ASPRV1: variants seen among roughly 807,000 people sequenced by gnomAD.
ASPRV1 encodes the protein retroviral-like aspartic protease 1.
Under a neutral mutation model 11.0 loss-of-function variants are expected in ASPRV1, and 7 were observed. That is an observed-to-expected ratio of 0.64 (90% CI 0.36 to 1.20). The LOEUF (loss-of-function observed/expected upper bound fraction) is 1.20, where lower values mean the gene tolerates loss of function less well. ASPRV1 is among the 50% of genes most tolerant of loss of function. The pLI, the probability that ASPRV1 is intolerant of heterozygous loss-of-function variation, is 0.02. For synonymous variants in ASPRV1, 136 were observed against 138.4 expected (o/e 0.98, Z 0.12); for missense variants, 299 against 320.0 (o/e 0.93, Z 0.50).
chr2:70,046,148 C>T, the ASPRV1 span: 1 of 152,220 alleles, frequency 6.6e-6, no homozygotes, highest in Admixed American at 6.5e-5. Context: ...ACCCCTCCTG[C>T]TCTAGTCAGC....
the ASPRV1 span, among the ~76,000 whole-genome samples, chr2:69,967,636 C>T: frequency 6.6e-6 from 1 of 152,112 alleles, no homozygotes; most frequent in African/African-American, 2.4e-5. Flanking sequence ...AAGAAAGACA[C>T]CAAAACAATG....
At chr2:70,078,419 G>GA in the ASPRV1 span, among the ~76,000 whole-genome samples, 15 of 152,284 alleles carry the variant, frequency 9.9e-5, no homozygotes, top group Non-Finnish European at 8.8e-5. Flanking sequence ...GTGCTATGCA[G>GA]AAAAAACAGG....
chr2:69,938,682 A>T, the ASPRV1 span: 1 of 157,416 alleles, frequency 6.4e-6, no homozygotes, highest in East Asian at 1.9e-4. Context: ...TCTTGTACTT[A>T]GGAAACTGAA....
chr2:70,077,808 C>T, the ASPRV1 span, among the ~76,000 whole-genome samples: 2 of 151,152 alleles, frequency 1.3e-5, no homozygotes, highest in Admixed American at 6.6e-5. Flanking sequence ...TGAGCTGAGA[C>T]GACGCCATTG....
At chr2:69,959,738 C>A (rs530367276), downstream of ASPRV1, among the ~76,000 whole-genome samples, 5 of 152,334 alleles carry the variant, frequency 3.3e-5, no homozygotes, top group South Asian at 1.0e-3. Flanking sequence ...ATTTGCCCAG[C>A]AGACACTTTC....
At chr2:70,076,593 T>C in the ASPRV1 span, among the ~76,000 whole-genome samples, 1 of 152,214 alleles carries the variant, frequency 6.6e-6, no homozygotes, top group African/African-American at 2.4e-5. Flanking sequence ...ACATCTCGAA[T>C]ACCGTAAGTC....
chr2:70,075,534 G>A, the ASPRV1 span, among the ~76,000 whole-genome samples: 1,944 of 152,202 alleles, frequency 0.013, 47 homozygotes, highest in African/African-American at 0.045. Context: ...TCCATGTAGA[G>A]TACATAGCAT....
chr2:69,956,022 C>A (rs1187305462), downstream of ASPRV1, among the ~76,000 whole-genome samples: 1 of 152,050 alleles, frequency 6.6e-6, no homozygotes, highest in Non-Finnish European at 1.5e-5. Flanking sequence ...TGGCTGATCC[C>A]AGGGCTGGTA....
the ASPRV1 span, among the ~76,000 whole-genome samples, chr2:69,967,486 C>G: frequency 6.6e-6 from 1 of 152,168 alleles, no homozygotes; most frequent in East Asian, 1.9e-4. Context: ...GGCAAACCAT[C>G]TGAGCGGGGG....
the ASPRV1 span, chr2:70,086,225 A>C: frequency 6.6e-6 from 1 of 151,706 alleles, no homozygotes; most frequent in Admixed American, 6.6e-5. Flanking sequence ...GGCCGACCCC[A>C]ATTTCTCGTT....
the ASPRV1 span, among the ~76,000 whole-genome samples, chr2:70,018,743 G>A: frequency 6.6e-6 from 1 of 152,136 alleles, no homozygotes; most frequent in Non-Finnish European, 1.5e-5. Context: ...GAAATTAGAT[G>A]TTCATTTCAC....
the ASPRV1 span, among the ~76,000 whole-genome samples, chr2:70,043,858 G>C: frequency 6.6e-6 from 1 of 152,166 alleles, no homozygotes; most frequent in Admixed American, 6.5e-5. Context: ...GCCTCCATCC[G>C]AACATGCTGG....
At chr2:70,084,775 G>C in the ASPRV1 span, among the ~76,000 whole-genome samples, 1 of 152,106 alleles carries the variant, frequency 6.6e-6, no homozygotes, top group Non-Finnish European at 1.5e-5. Context: ...TTTTAAAAAT[G>C]TGAGACACTG....
the ASPRV1 span, among the ~76,000 whole-genome samples, chr2:70,083,257 G>C: frequency 6.6e-6 from 1 of 152,210 alleles, no homozygotes; most frequent in Admixed American, 6.5e-5. Context: ...AAGAGGTTCA[G>C]CTCAAATTCT....
chr2:69,963,071 G>T, upstream of ASPRV1: 1 of 355,382 alleles, frequency 2.8e-6, no homozygotes, highest in Non-Finnish European at 5.6e-6. Flanking sequence ...CGGAATCCCA[G>T]CAGTACCCTG....
At chr2:70,080,642 C>A in the ASPRV1 span, among the ~76,000 whole-genome samples, 1 of 152,160 alleles carries the variant, frequency 6.6e-6, no homozygotes, top group African/African-American at 2.4e-5. Context: ...TTTCTGATGT[C>A]TTCACCTTAA....
the ASPRV1 span, among the ~76,000 whole-genome samples, chr2:69,983,995 T>C: frequency 6.6e-6 from 1 of 152,142 alleles, no homozygotes; most frequent in Non-Finnish European, 1.5e-5. Context: ...CTTCCTGAGG[T>C]CTTGGGATTC....
the ASPRV1 span, among the ~76,000 whole-genome samples, chr2:70,025,003 C>T: frequency 1.3e-5 from 2 of 152,292 alleles, no homozygotes; most frequent in African/African-American, 4.8e-5. Context: ...CTGTCTGTAG[C>T]TCAAATAAAT....
At chr2:70,007,770 G>T in the ASPRV1 span, among the ~76,000 whole-genome samples, 6 of 152,054 alleles carry the variant, frequency 3.9e-5, no homozygotes, top group Admixed American at 2.6e-4. Flanking sequence ...AGTGGGACTG[G>T]AGGACCAGGG....
Sources: allele counts gnomAD v4.1 joint callset (sites outside exome capture counted in the v4.1 genomes callset), GRCh38; gene constraint gnomAD v4.1.1; transcripts MANE v1.5; gene names NCBI Gene and HGNC (gene_info 2026-07-23, HGNC 2026-07-21).